SVEP1: variants seen among roughly 807,000 people sequenced by gnomAD.
The protein encoded by SVEP1 is sushi, von Willebrand factor type A, EGF and pentraxin domain containing 1.
In SVEP1, 164 loss-of-function variants were observed where a neutral mutation model predicts 367.3. The ratio of observed to expected loss-of-function variants is 0.45; its 90% CI spans 0.39 to 0.51. The LOEUF (loss-of-function observed/expected upper bound fraction) is 0.51, where lower values mean the gene tolerates loss of function less well. Ranked by LOEUF, SVEP1 falls within the 20% of genes least tolerant of loss-of-function variation. The pLI is 0.00. For missense variants in SVEP1, 4,117 were observed against 4,425.3 expected (o/e 0.93, Z 1.98); for synonymous variants, 1,666 against 1,611.6 (o/e 1.03, Z -0.81).
chr9:110,514,507 C>T (rs1180057549), intron 3 of SVEP1, among the ~76,000 whole-genome samples: 1 of 124,298 alleles, frequency 8.0e-6, no homozygotes, highest in Non-Finnish European at 1.7e-5. Flanking sequence ...GAGCAAAACT[C>T]CATCTCAAAA....
At chr9:110,416,133 T>C (rs1226952571) in intron 36 of SVEP1, among the ~76,000 whole-genome samples, 1 of 151,972 alleles carries the variant, frequency 6.6e-6, no homozygotes, top group Non-Finnish European at 1.5e-5. Flanking sequence ...AATCTGAATT[T>C]ATAACACACA....
chr9:110,552,762 C>A (rs2118856629), intron 1 of SVEP1, among the ~76,000 whole-genome samples: 1 of 152,300 alleles, frequency 6.6e-6, no homozygotes, highest in East Asian at 1.9e-4. Flanking sequence ...CAGTTCCTAA[C>A]AGGCCATGGA....
chr9:110,504,353 C>A (rs543953370), intron 5 of SVEP1, among the ~76,000 whole-genome samples: 3 of 152,270 alleles, frequency 2.0e-5, no homozygotes, highest in African/African-American at 7.2e-5. Context: ...AGCCACCGCA[C>A]CCGCCCTTGG....
chr9:110,522,030 C>T (rs1829882387), intron 3 of SVEP1, among the ~76,000 whole-genome samples: 1 of 152,074 alleles, frequency 6.6e-6, no homozygotes, highest in Non-Finnish European at 1.5e-5. Context: ...TTTTTAAACT[C>T]ACGAGTCTCT....
chr9:110,388,615 C>A (rs1307743477), intron 41 of SVEP1, among the ~76,000 whole-genome samples: 2 of 151,728 alleles, frequency 1.3e-5, no homozygotes, highest in Non-Finnish European at 2.9e-5. Flanking sequence ...GTTGAGTATG[C>A]TGAGATCACA....
At position 110,376,345 on chromosome 9, in the gene SVEP1, T is replaced by G. The variant is rs1449421489; in HGVS notation, c.10505-882A>C. On this transcript the variant is annotated intron_variant, in intron 45 of 47. Coordinates refer to ENST00000374469, the MANE Select transcript of SVEP1 (RefSeq NM_153366.4). ...GTCAATGCTTACTAAGTCTTTGGACTCTTGACATAAGGGCAGGCTAAGTCT... is the reference window on the plus strand; with the variant it reads ...GTCAATGCTTACTAAGTCTTTGGACGCTTGACATAAGGGCAGGCTAAGTCT... Among the ~76,000 whole-genome samples, 6 of 152,222 alleles carry G rather than the reference T, an allele frequency of 3.9e-5. No individual in the cohort carries two copies. In the East Asian group the frequency reaches 1.2e-3, roughly 29 times the overall value.
Position 110,571,079 on chromosome 9 carries a change from C to T in SVEP1, c.531+7934G>A, listed in dbSNP as rs191067568. Among the ~76,000 whole-genome samples the T allele has an allele frequency of 2.6e-4, 39 of 149,688 alleles. 1 individual carries two copies. In the East Asian group the frequency reaches 6.1e-3, roughly 23 times the overall value. On this transcript the variant is annotated intron_variant, in intron 1 of 47. Transcript: ENST00000374469. ...GCAACCTCGGCCTCCCAGGTTCAAG[C>T]GATTTTCCTGCCTCAGCCTGCTGAG...
At chr9:110,426,064 G>T (rs1828248839) in intron 36 of SVEP1, among the ~76,000 whole-genome samples, 1 of 152,158 alleles carries the variant, frequency 6.6e-6, no homozygotes, top group Non-Finnish European at 1.5e-5. Context: ...AGTCCTATCA[G>T]TTCATTAGGG....
intron 5 of SVEP1, among the ~76,000 whole-genome samples, chr9:110,510,864 A>AT (rs938275033): frequency 1.3e-5 from 2 of 152,202 alleles, no homozygotes; most frequent in Non-Finnish European, 2.9e-5. Context: ...TCAAGGATTC[A>AT]TTTTTTCAGT....
chr9:110,429,074 A>T (rs962459894), intron 35 of SVEP1, 69 bp downstream of exon 35: 100 of 1,334,102 alleles, frequency 7.5e-5, no homozygotes, highest in Non-Finnish European at 9.3e-5. Context: ...GTCTCAAAAA[A>T]ATTAAAATAA....
chr9:110,415,716 T>A (rs1168500258), intron 36 of SVEP1, among the ~76,000 whole-genome samples: 2 of 152,044 alleles, frequency 1.3e-5, no homozygotes, highest in South Asian at 4.1e-4. Flanking sequence ...ACCCTCCCTC[T>A]ATAATACTTG....
rs578158516 is a variant in SVEP1, at chr9:110,374,098, C to T, written c.10600+1270G>A. Among the ~76,000 whole-genome samples, 326 of 152,200 alleles carry T rather than the reference C, an allele frequency of 2.1e-3. 3 individuals are homozygous for T. Among genetic ancestry groups the T allele is most frequent in the Non-Finnish European group, 1.8e-3 (120 of 68,004 alleles). Reference sequence around the variant, plus strand: ...TTGTTGTACAGATTATTTCATCACTCAGGTACTAAGCCTAGTTCCCAATAG... The same window carrying T: ...TTGTTGTACAGATTATTTCATCACTTAGGTACTAAGCCTAGTTCCCAATAG... On this transcript the variant is annotated intron_variant, in intron 46 of 47. Transcript: ENST00000374469.
At chr9:110,448,779 T>C (rs562595983) in intron 24 of SVEP1, among the ~76,000 whole-genome samples, 2 of 152,254 alleles carry the variant, frequency 1.3e-5, no homozygotes, top group African/African-American at 4.8e-5. Flanking sequence ...TCTACAGTTA[T>C]GTACTATATG....
At chr9:110,438,873 T>TCA (rs1828471278) in intron 27 of SVEP1, among the ~76,000 whole-genome samples, 1 of 152,210 alleles carries the variant, frequency 6.6e-6, no homozygotes, top group South Asian at 2.1e-4. Context: ...TTTGCCAATT[T>TCA]GATATAAAGC....
chr9:110,539,387 G>C (rs1830116702), intron 3 of SVEP1, among the ~76,000 whole-genome samples: 1 of 152,136 alleles, frequency 6.6e-6, no homozygotes, highest in Non-Finnish European at 1.5e-5. Flanking sequence ...TTTATACCAT[G>C]TGAAGGTGCC....
At chr9:110,369,810 TACAAAATACTTACAGTCAA>T in intron 47 of SVEP1, 94 bp downstream of exon 47, 3 of 826,042 alleles carry the variant, frequency 3.6e-6, no homozygotes, top group Non-Finnish European at 5.5e-6. Context: ...TGTTTTCACA[TACAAAATACTTACAGTCAA>T]ACTAGACAGA....
At chr9:110,454,586 A>G (rs1047302418) in intron 22 of SVEP1, among the ~76,000 whole-genome samples, 2 of 152,262 alleles carry the variant, frequency 1.3e-5, no homozygotes, top group African/African-American at 2.4e-5. Flanking sequence ...GATTAGATAA[A>G]GAAAATGTGG....
chr9:110,521,957 AT>A (rs917513759), intron 3 of SVEP1, among the ~76,000 whole-genome samples: 1 of 152,048 alleles, frequency 6.6e-6, no homozygotes, highest in African/African-American at 2.4e-5. Flanking sequence ...TTCTCTAAAC[AT>A]TTTTTTCCCT....
Position 110,466,043 on chromosome 9 carries a change from A to C in SVEP1, c.3161-17T>G. The C allele has an allele frequency of 9.3e-6, 15 of 1,606,264 alleles. No individual in the cohort carries two copies. Among genetic ancestry groups the C allele is most frequent in the Non-Finnish European group, 1.2e-5 (14 of 1,174,428 alleles). On this transcript the variant is annotated splice_polypyrimidine_tract_variant and intron_variant, in intron 17 of 47. Coordinates refer to ENST00000374469, the MANE Select transcript of SVEP1 (RefSeq NM_153366.4). ...TACACTGAGCTGAAAAGAAAAAGGT[A>C]ATATTACTATCAATAATGATATTAA... is the stretch of plus-strand genomic sequence containing the variant.
Sources: gnomAD v4.1 joint callset for allele counts (sites outside exome capture counted in the v4.1 genomes callset) on GRCh38, gnomAD v4.1.1 for gene constraint, MANE v1.5 for transcripts, NCBI Gene and HGNC (gene_info 2026-07-23, HGNC 2026-07-21) for gene names.